The following CALN1 variants were observed in gnomAD, a reference collection of about 807,000 sequenced individuals.
The protein encoded by CALN1 is calneuron 1.
Under a neutral mutation model 30.6 loss-of-function variants are expected in CALN1, and 17 were observed. The observed-to-expected ratio is 0.56, with a 90% confidence interval of 0.38 to 0.83. CALN1 has a LOEUF of 0.83. CALN1 is among the 40% of genes least tolerant of loss of function. The probability of loss-of-function intolerance (pLI) is 0.00; values close to 1 mark genes in which losing one functional copy is unlikely to be tolerated. For synonymous variants in CALN1, 156 were observed against 131.4 expected, an observed-to-expected ratio of 1.19 and a Z score of -1.28; for missense variants, 291 against 354.9, an observed-to-expected ratio of 0.82 and a Z score of 1.45.
At chr7:72,483,147 AT>A in the CALN1 span, among the ~76,000 whole-genome samples, 2 of 151,098 alleles carry the variant, frequency 1.3e-5, no homozygotes, top group African/African-American at 2.4e-5. Flanking sequence ...TGCTTTTAAA[AT>A]TTTTTTTAAT....
chr7:71,920,797 G>A (rs1363579640), intron 5 of CALN1, among the ~76,000 whole-genome samples: 2 of 152,094 alleles, frequency 1.3e-5, no homozygotes, highest in Non-Finnish European at 2.9e-5. Context: ...CTAGGTATAA[G>A]AACCTTGCGG....
intron 5 of CALN1, among the ~76,000 whole-genome samples, chr7:71,995,640 C>A (rs1012933394): frequency 1.3e-5 from 2 of 152,000 alleles, no homozygotes; most frequent in Non-Finnish European, 1.5e-5. Context: ...ACATGACAGG[C>A]AAGGAGGATC....
chr7:72,282,572 G>A (rs1797802080), intron 2 of CALN1, among the ~76,000 whole-genome samples: 1 of 152,214 alleles, frequency 6.6e-6, no homozygotes, highest in Admixed American at 6.5e-5. Flanking sequence ...CTTCCACCAT[G>A]TGAAAATGCA....
At chr7:72,407,920 T>C (rs988941253) in intron 1 of CALN1, among the ~76,000 whole-genome samples, 15 of 152,076 alleles carry the variant, frequency 9.9e-5, no homozygotes, top group Admixed American at 2.6e-4. Context: ...CGGGGAAGAT[T>C]GTCCCTACTC....
chr7:72,034,489 G>A (rs1801662955), intron 4 of CALN1, among the ~76,000 whole-genome samples: 1 of 150,610 alleles, frequency 6.6e-6, no homozygotes, highest in Non-Finnish European at 1.5e-5. Context: ...AAAAAATGTG[G>A]ATTTGAAAGT....
At chr7:72,274,928 T>A (rs903412108) in intron 3 of CALN1, among the ~76,000 whole-genome samples, 2 of 152,132 alleles carry the variant, frequency 1.3e-5, no homozygotes, top group African/African-American at 4.8e-5. Flanking sequence ...AAATAGGGAC[T>A]TCCCAGAAGG....
At chr7:72,125,799 CTTTTTTTTT>C (rs61475416) in intron 3 of CALN1, among the ~76,000 whole-genome samples, 39 of 114,776 alleles carry the variant, frequency 3.4e-4, no homozygotes, top group African/African-American at 1.2e-3. Context: ...CTGTATCATT[CTTTTTTTTT>C]TTTTTTTTTT....
rs528068610 is a variant in CALN1, at chr7:72,130,392, G to GT, written c.245-24099dup. Among the ~76,000 whole-genome samples, 36 of 152,192 alleles carry GT rather than the reference G, an allele frequency of 2.4e-4. No individual in the cohort carries two copies. In the South Asian group the frequency reaches 6.6e-3, roughly 28 times the overall value. On this transcript the variant is annotated intron_variant, in intron 3 of 6. Coordinates refer to ENST00000395275, the MANE Select transcript of CALN1 (RefSeq NM_031468.4). ...CAGATGCAAACAGTGTGCATCAAAT[G>GT]TTTACCATTTACTTATGAAAAAAAG... is the stretch of plus-strand genomic sequence containing the variant.
At chr7:71,953,450 C>T (rs1796798243) in intron 5 of CALN1, among the ~76,000 whole-genome samples, 1 of 152,140 alleles carries the variant, frequency 6.6e-6, no homozygotes, top group Non-Finnish European at 1.5e-5. Context: ...ATTGCTGTCT[C>T]ATTGGCAGGA....
At chr7:72,335,824 C>G (rs1274787015) in intron 2 of CALN1, among the ~76,000 whole-genome samples, 1 of 152,166 alleles carries the variant, frequency 6.6e-6, no homozygotes, top group Non-Finnish European at 1.5e-5. Flanking sequence ...TCGGTGCACG[C>G]TCTGTACCCC....
chr7:72,227,204 C>T (rs1308241471), intron 3 of CALN1, among the ~76,000 whole-genome samples: 1 of 149,330 alleles, frequency 6.7e-6, no homozygotes, highest in Non-Finnish European at 1.5e-5. Flanking sequence ...AACAAATCTG[C>T]ACAGTACCCT....
intron 3 of CALN1, among the ~76,000 whole-genome samples, chr7:72,220,137 C>T (rs1793171951): frequency 6.6e-6 from 1 of 150,806 alleles, no homozygotes; most frequent in Non-Finnish European, 1.5e-5. Flanking sequence ...GTGTGCTGCA[C>T]CCATTAACTC....
intron 3 of CALN1, among the ~76,000 whole-genome samples, chr7:72,234,105 G>A (rs1253406843): frequency 6.6e-6 from 1 of 152,164 alleles, no homozygotes; most frequent in Non-Finnish European, 1.5e-5. Flanking sequence ...ATGTTTACAA[G>A]GAAACAGTAA....
intron 3 of CALN1, among the ~76,000 whole-genome samples, chr7:72,165,527 G>C (rs1173267166): frequency 6.6e-6 from 1 of 151,894 alleles, no homozygotes; most frequent in Non-Finnish European, 1.5e-5. Flanking sequence ...CGCAGAGTAT[G>C]CAGCAAGTTG....
chr7:72,314,350 C>CAT (rs947114994), intron 2 of CALN1, among the ~76,000 whole-genome samples: 4 of 122,926 alleles, frequency 3.3e-5, no homozygotes, highest in Admixed American at 2.6e-4. Flanking sequence ...TATATATATA[C>CAT]ATATATATAC....
At chr7:71,846,554 A>G (rs1445772388) in intron 5 of CALN1, among the ~76,000 whole-genome samples, 1 of 151,976 alleles carries the variant, frequency 6.6e-6, no homozygotes, top group Non-Finnish European at 1.5e-5. Flanking sequence ...GTATAGATAG[A>G]TATAGATATG....
intron 4 of CALN1, among the ~76,000 whole-genome samples, chr7:72,054,544 C>T (rs7809978): frequency 0.23 from 21,748 of 95,030 alleles, 3,810 homozygotes; most frequent in East Asian, 0.72. Context: ...TATATATATA[C>T]ATATATATAT....
chr7:72,279,777 C>T (rs997331031), intron 2 of CALN1, among the ~76,000 whole-genome samples: 9 of 152,314 alleles, frequency 5.9e-5, no homozygotes, highest in African/African-American at 1.9e-4. Flanking sequence ...TCTAATGATG[C>T]TCTCCGTGAC....
At chr7:72,344,957 GTATTTA>G (rs1204319865) in intron 2 of CALN1, among the ~76,000 whole-genome samples, 1 of 145,630 alleles carries the variant, frequency 6.9e-6, no homozygotes, top group East Asian at 2.0e-4. Flanking sequence ...GTTTTATGTG[GTATTTA>G]TATTTATATA....
Sources: gnomAD v4.1 joint callset for allele counts (sites outside exome capture counted in the v4.1 genomes callset) on GRCh38, gnomAD v4.1.1 for gene constraint, MANE v1.5 for transcripts, NCBI Gene and HGNC (gene_info 2026-07-23, HGNC 2026-07-21) for gene names.